The following MAP2 variants were observed in gnomAD, a reference collection of about 807,000 sequenced individuals.
The protein encoded by MAP2 is microtubule associated protein 2, also known as microtubule-associated protein 2.
A neutral mutation model predicts 137.6 loss-of-function variants in MAP2; 14 were observed. The observed-to-expected ratio is 0.10, with a 90% CI of 0.07 to 0.16. The LOEUF (loss-of-function observed/expected upper bound fraction) is 0.16, where lower values mean the gene tolerates loss of function less well. Among genes scored for constraint, MAP2 ranks in the 10% least tolerant of loss-of-function variants. The pLI is 1.00. For synonymous variants in MAP2, 786 were observed against 782.3 expected (o/e 1.00, Z -0.08); for missense variants, 2,088 against 2,191.5 (o/e 0.95, Z 0.94).
chr2:209,666,207 G>A (rs938255911), intron 5 of MAP2, among the ~76,000 whole-genome samples: 1 of 152,084 alleles, frequency 6.6e-6, no homozygotes, highest in Non-Finnish European at 1.5e-5. Flanking sequence ...ATGCTGACCT[G>A]GGGAAAGTGG....
intron 5 of MAP2, among the ~76,000 whole-genome samples, chr2:209,663,413 C>G (rs189217305): frequency 7.2e-5 from 11 of 152,122 alleles, no homozygotes; most frequent in African/African-American, 2.4e-4. Context: ...CACTGTGTAG[C>G]TCGTCTCACT....
intron 3 of MAP2, among the ~76,000 whole-genome samples, chr2:209,606,039 T>C (rs115573542): frequency 0.01 from 1,552 of 152,220 alleles, 29 homozygotes; most frequent in African/African-American, 0.035. Flanking sequence ...ATTTTATAAA[T>C]GATCAGTTTT....
intron 2 of MAP2, among the ~76,000 whole-genome samples, chr2:209,521,451 C>G (rs11885999): frequency 6.6e-6 from 1 of 150,856 alleles, no homozygotes; most frequent in Non-Finnish European, 1.5e-5. Flanking sequence ...TATGATTCAA[C>G]TTATTCTTCA....
chr2:209,690,944 A>G (rs1483715278), intron 7 of MAP2: 3 of 1,111,998 alleles, frequency 2.7e-6, no homozygotes, highest in East Asian at 1.2e-4. Flanking sequence ...TCGCTATTTC[A>G]TCGCTGGGTC....
chr2:209,476,055 C>T (rs889865033), intron 1 of MAP2, among the ~76,000 whole-genome samples: 1 of 151,696 alleles, frequency 6.6e-6, no homozygotes, highest in African/African-American at 2.4e-5. Context: ...GGGAACTTCT[C>T]ATCTTAAAAA....
intron 4 of MAP2, among the ~76,000 whole-genome samples, chr2:209,641,415 T>G (rs1444965701): frequency 6.6e-6 from 1 of 152,030 alleles, no homozygotes; most frequent in Non-Finnish European, 1.5e-5. Flanking sequence ...TAAGAAAAAT[T>G]TTTATTAAAA....
intron 1 of MAP2, among the ~76,000 whole-genome samples, chr2:209,502,063 A>G (rs2060449269): frequency 6.6e-6 from 1 of 152,196 alleles, no homozygotes; most frequent in African/African-American, 2.4e-5. Context: ...AAGCAAATTA[A>G]CATGTCTGTC....
At chr2:209,633,676 T>G (rs942859760) in intron 4 of MAP2, among the ~76,000 whole-genome samples, 1 of 152,032 alleles carries the variant, frequency 6.6e-6, no homozygotes, top group Non-Finnish European at 1.5e-5. Flanking sequence ...GAAAAAAGAC[T>G]AGGTTTGTAG....
intron 2 of MAP2, among the ~76,000 whole-genome samples, chr2:209,554,186 G>A (rs1368525482): frequency 6.6e-6 from 1 of 152,108 alleles, no homozygotes; most frequent in South Asian, 2.1e-4. Context: ...TTTTAATAAA[G>A]CATTGAAATT....
At chr2:209,586,866 A>C (rs545875087) in intron 3 of MAP2, among the ~76,000 whole-genome samples, 5 of 152,202 alleles carry the variant, frequency 3.3e-5, no homozygotes, top group Non-Finnish European at 5.9e-5. Flanking sequence ...GTGGTTGGTG[A>C]GCAAGTCTGA....
At chr2:209,619,743 C>T (rs565696641) in intron 3 of MAP2, among the ~76,000 whole-genome samples, 3 of 152,186 alleles carry the variant, frequency 2.0e-5, no homozygotes, top group Admixed American at 1.3e-4. Flanking sequence ...TATTTTCAAC[C>T]TTTGTCAACA....
At chr2:209,618,170 G>C (rs1312435511) in intron 3 of MAP2, among the ~76,000 whole-genome samples, 5 of 151,974 alleles carry the variant, frequency 3.3e-5, no homozygotes, top group Non-Finnish European at 7.4e-5. Context: ...GTTAAATAAG[G>C]AGTTGAAAAA....
chr2:209,639,988 CT>C (rs2093884274), intron 4 of MAP2, among the ~76,000 whole-genome samples: 1 of 152,056 alleles, frequency 6.6e-6, no homozygotes, highest in Non-Finnish European at 1.5e-5. Flanking sequence ...ATTTTGGTAT[CT>C]TTCTAGAAAG....
chr2:209,609,546 C>T (rs554014285), intron 3 of MAP2, among the ~76,000 whole-genome samples: 130 of 152,284 alleles, frequency 8.5e-4, no homozygotes, highest in African/African-American at 2.4e-3. Flanking sequence ...CTCTATGGAT[C>T]TGTCCCTTTT....
chr2:209,428,923 T>TTTTA (rs200198018), intron 1 of MAP2, among the ~76,000 whole-genome samples: 28,830 of 145,720 alleles, frequency 0.2, 3,370 homozygotes, highest in East Asian at 0.3. Flanking sequence ...CTTTATTTTA[T>TTTTA]TTTATTTATT....
At chr2:209,638,986 C>G (rs569890485) in intron 4 of MAP2, among the ~76,000 whole-genome samples, 28 of 152,218 alleles carry the variant, frequency 1.8e-4, no homozygotes, top group South Asian at 2.1e-4. Context: ...CATTAGAGAT[C>G]ATTATCAATC....
At chr2:209,554,636 G>GTAGCCACCT in intron 2 of MAP2, among the ~76,000 whole-genome samples, 1 of 151,902 alleles carries the variant, frequency 6.6e-6, no homozygotes, top group South Asian at 2.1e-4. Context: ...AAAATACAAA[G>GTAGCCACCT]CTACTCAGGT....
In MAP2 at chr2:209,723,788, C is replaced by T. The variant is rs2072547150; in HGVS notation, c.5074-1921C>T. The stretch of plus-strand genomic sequence containing the variant: ...CCCACCTCTTTCCAACACACTGCTC[C>T]TTTCTCACTGCTGTTCCACATGTCT... On this transcript the variant is annotated intron_variant, in intron 13 of 15. Transcript: ENST00000682079. 5 of 756,902 alleles carry T rather than the reference C, an allele frequency of 6.6e-6. No homozygotes were observed. The South Asian group carries it at 7.9e-5, about 12-fold the overall frequency. 46.9% of individuals were successfully genotyped at this position (756,902 alleles called of 1,614,324 possible).
At chr2:209,442,427 T>C (rs1574953147) in intron 1 of MAP2, among the ~76,000 whole-genome samples, 1 of 151,756 alleles carries the variant, frequency 6.6e-6, no homozygotes, top group East Asian at 1.9e-4. Context: ...AGTGTCCAAA[T>C]GACTAAAGAT....
Sources: gnomAD v4.1 joint callset for allele counts (sites outside exome capture counted in the v4.1 genomes callset) on GRCh38, gnomAD v4.1.1 for gene constraint, MANE v1.5 for transcripts, NCBI Gene and HGNC (gene_info 2026-07-23, HGNC 2026-07-21) for gene names.